Variants in APOA1 observed in about 807,000 individuals in gnomAD.
APOA1 encodes the protein apolipoprotein A-I.
Under a neutral mutation model 25.9 loss-of-function variants are expected in APOA1, and 22 were observed. The ratio of observed to expected loss-of-function variants is 0.85; its 90% CI spans 0.61 to 1.21. The LOEUF (loss-of-function observed/expected upper bound fraction) is 1.21, where lower values mean the gene tolerates loss of function less well. APOA1 is among the 50% of genes most tolerant of loss of function. The pLI, the probability that APOA1 is intolerant of heterozygous loss-of-function variation, is 0.00. For synonymous variants in APOA1, 163 were observed against 152.2 expected, an observed-to-expected ratio of 1.07 and a Z score of -0.52; for missense variants, 351 against 347.9, an observed-to-expected ratio of 1.01 and a Z score of -0.07.
chr11:116,835,913 G>T lies in APOA1; in HGVS notation c.699C>A (p.Pro233=), dbSNP rs536011950. ...GGCCTTGGCGGAGGTCCTCGAGCGCGGGCTTGGCCTTCTCGCTGAGCGTGC... is the reference window on the plus strand; with the variant it reads ...GGCCTTGGCGGAGGTCCTCGAGCGCTGGCTTGGCCTTCTCGCTGAGCGTGC... ...HLSTLSEKAK[P]ALEDLRQGLL... Residue 233 remains proline, a synonymous_variant, in exon 4 of 4, where the codon CCC becomes CCA. Transcript: ENST00000236850. 2 of 1,613,142 alleles carry T rather than the reference G, an allele frequency of 1.2e-6. No homozygotes were observed. Among genetic ancestry groups the T allele is most frequent in the Non-Finnish European group, 1.7e-6 (2 of 1,180,006 alleles).
chr11:116,836,880 A>G (rs1941563325), intron 3 of APOA1, 121 bp downstream of exon 3: 1 of 1,187,232 alleles, frequency 8.4e-7, no homozygotes, highest in Admixed American at 1.8e-5. Flanking sequence ...TTCTCCATCC[A>G]GACCATCTGT....
chr11:116,836,239 G>C lies in APOA1; in HGVS notation c.373C>G (p.Leu125Val), dbSNP rs1368725091. 2 of 1,614,072 alleles carry C rather than the reference G, an allele frequency of 1.2e-6. No homozygotes were observed. Among genetic ancestry groups the C allele is most frequent in the African/African-American group, 2.7e-5 (2 of 74,950 alleles). ...EEVKAKVQPY[L>V]DDFQKKWQEE... ...TGCCACTTCTTCTGGAAGTCGTCCA[G>C]GTAGGGCTGCACCTTGGCCTTCACC... Residue 125 changes from leucine (L) to valine (V), a missense_variant, in exon 4 of 4, where the codon CTG (leucine) becomes GTG (valine). Transcript: ENST00000236850.
intron 2 of APOA1, 32 bp downstream of exon 2, chr11:116,837,313 A>C (rs1245030245): frequency 6.3e-7 from 1 of 1,579,566 alleles, no homozygotes; most frequent in African/African-American, 1.3e-5. Flanking sequence ...AAGCCCCCCG[A>C]TGGTTGGCTC....
chr11:116,836,014 C>T lies in APOA1; in HGVS notation c.598G>A (p.Ala200Thr). ...TTCTCCTTGAGAGCCTCAAGGCGCG[C>T]GGCCAAGCGCTGGCGCAGCTCGTCG... ...YSDELRQRLA[A>T]RLEALKENGG... The change falls in exon 4 of 4, where the codon GCG becomes ACG. Residue 200 changes from alanine to threonine, a missense_variant. Transcript: ENST00000236850. 1 of 1,607,364 alleles carries T rather than the reference C, an allele frequency of 6.2e-7. No homozygotes were observed. Among genetic ancestry groups the T allele is most frequent in the Non-Finnish European group, 8.5e-7 (1 of 1,179,678 alleles).
intron 1 of APOA1, 53 bp from the exon 2 acceptor site, chr11:116,837,460 C>T (rs1205113932): frequency 6.6e-7 from 1 of 1,513,658 alleles, no homozygotes; most frequent in Non-Finnish European, 9.0e-7. Flanking sequence ...ATGCAGAAGC[C>T]CCGTGCTCCC....
In APOA1 at chr11:116,835,846, C is replaced by G; in HGVS notation, c.766G>C (p.Ala256Pro). Residue 256 changes from alanine to proline, a missense_variant, in exon 4 of 4, where the codon GCT (alanine) becomes CCT (proline). Transcript: ENST00000236850. ...LESFKVSFLSALEEYTKKLNT... is the reference protein window; with the variant it reads ...LESFKVSFLSPLEEYTKKLNT... ...AGCTTCTTAGTGTACTCCTCGAGAG[C>G]GCTCAGGAAGCTGACCTTGAAGCTC... 1 of 1,613,152 alleles carries G rather than the reference C, an allele frequency of 6.2e-7. No homozygotes were observed. The highest frequency in any genetic ancestry group is 8.5e-7 in the Non-Finnish European group (1 of 1,180,034).
chr11:116,835,987 C>T lies in APOA1; in HGVS notation c.625G>A (p.Gly209Ser), dbSNP rs1439470829. The change falls in exon 4 of 4, where the codon GGC (glycine) becomes AGC (serine). Residue 209 changes from glycine to serine, a missense_variant. Physicochemically the swap from Gly to Ser is moderately conservative, Grantham distance 56 (BLOSUM62 0). Transcript: ENST00000236850. ...TGGTACTCGGCCAGTCTGGCGCCGC[C>T]GTTCTCCTTGAGAGCCTCAAGGCGC... ...AARLEALKEN[G>S]GARLAEYHAK... 3.7e-6 allele frequency: 6 copies of T among 1,609,760 alleles called. No individual in the cohort carries two copies. The highest frequency in any genetic ancestry group is 2.2e-5 in the South Asian group (2 of 91,078).
chr11:116,836,240 G>C lies in APOA1; in HGVS notation c.372C>G (p.Tyr124Ter), dbSNP rs747252682. ...LEEVKAKVQP[Y>*]LDDFQKKWQE... Reference sequence around the variant, plus strand: ...GCCACTTCTTCTGGAAGTCGTCCAGGTAGGGCTGCACCTTGGCCTTCACCT... The same window carrying C: ...GCCACTTCTTCTGGAAGTCGTCCAGCTAGGGCTGCACCTTGGCCTTCACCT... Residue 124 changes from tyrosine to a stop codon, truncating the protein, a stop_gained, in exon 4 of 4, where the codon TAC becomes TAG. Coordinates refer to ENST00000236850, the MANE Select transcript of APOA1 (RefSeq NM_000039.3). LOFTEE classifies it high-confidence loss of function. 1 of 1,614,174 alleles carries C rather than the reference G, an allele frequency of 6.2e-7. No homozygotes were observed. Among genetic ancestry groups the C allele is most frequent in the Admixed American group, 1.7e-5 (1 of 60,034 alleles).
chr11:116,836,080 C>T lies in APOA1; in HGVS notation c.532G>A (p.Ala178Thr). The T allele has an allele frequency of 6.2e-7, 1 of 1,604,316 alleles. No homozygotes were observed. The highest frequency in any genetic ancestry group is 8.5e-7 in the Non-Finnish European group (1 of 1,177,418). ...LGEEMRDRAR[A>T]HVDALRTHLA... ...TGCGTGCGCAGCGCGTCCACATGGG[C>T]GCGCGCGCGGTCGCGCATCTCCTCG... The change falls in exon 4 of 4, where the codon GCC (alanine) becomes ACC (threonine). Residue 178 changes from alanine (A) to threonine (T), a missense_variant. Transcript: ENST00000236850.
chr11:116,837,515 A>C lies in APOA1; in HGVS notation c.-21+90T>G, dbSNP rs758109241. ...GAGGAGAAGGGCACAGAGCGGGAGA[A>C]GACCTCAGGTACCCAGAGGCCCGGC... On this transcript the variant is annotated intron_variant, in intron 1 of 3. Transcript: ENST00000236850. The C allele has an allele frequency of 2.9e-4, 348 of 1,212,006 alleles. 1 individual carries two copies. The Admixed American group carries it at 5.9e-3, about 20-fold the overall frequency. The allele number at this position is 1,212,006 out of a possible 1,614,324, so 75.1% of individuals were successfully genotyped here. A position where few individuals can be genotyped will look rare whatever the true frequency, so the allele number is the denominator to read the frequency against.
In APOA1 at chr11:116,836,132, C is replaced by G; in HGVS notation, c.480G>C (p.Glu160Asp). 2 of 1,612,940 alleles carry G rather than the reference C, an allele frequency of 1.2e-6. No homozygotes were observed. The highest frequency in any genetic ancestry group is 1.7e-6 in the Non-Finnish European group (2 of 1,179,982). The change falls in exon 4 of 4, where the codon GAG becomes GAC. Residue 160 changes from glutamate to aspartate, a missense_variant. Transcript: ENST00000236850. ...CCAGTGGGCTCAGCTTCTCTTGCAG[C>G]TCGTGCAGCTTCTGGCGCGCGCCCT... ...LQEGARQKLH[E>D]LQEKLSPLGE...
Position 116,837,163 on chromosome 11 carries a change from G to A in APOA1, c.44-6C>T, listed in dbSNP as rs746265240. ...GAAATGCCGAGCCTGGCTCCCTGAGGGTGGGAGGGGAGACCCAGATCAGGC... is the reference window on the plus strand; with the variant it reads ...GAAATGCCGAGCCTGGCTCCCTGAGAGTGGGAGGGGAGACCCAGATCAGGC... On this transcript the variant is annotated splice_region_variant and splice_polypyrimidine_tract_variant and intron_variant, in intron 2 of 3. Coordinates refer to ENST00000236850, the MANE Select transcript of APOA1 (RefSeq NM_000039.3). The A allele has an allele frequency of 1.3e-5, 21 of 1,610,840 alleles. No individual in the cohort carries two copies. In the Middle Eastern group the frequency reaches 6.6e-4, roughly 51 times the overall value.
rs775559386 is a variant in APOA1 at position 116,837,025 on chromosome 11, C to T, written c.176G>A (p.Gly59Asp). The change falls in exon 3 of 4, where the codon GGC becomes GAC. Residue 59 changes from glycine to aspartate, a missense_variant. Coordinates refer to ENST00000236850, the MANE Select transcript of APOA1 (RefSeq NM_000039.3). ...CTTTAGCTGTTTTCCCAAGGCGGAG[C>T]CTTCAAACTGGGACACATAGTCTCT... ...SGRDYVSQFE[G>D]SALGKQLNLK... 1.2e-6 allele frequency: 2 copies of T among 1,614,088 alleles called. No homozygotes were observed. Among genetic ancestry groups the T allele is most frequent in the African/African-American group, 2.7e-5 (2 of 74,948 alleles).
At chr11:116,837,272 C>T in intron 2 of APOA1, 73 bp downstream of exon 2, 2 of 1,595,072 alleles carry the variant, frequency 1.3e-6, no homozygotes, top group Non-Finnish European at 1.7e-6. Context: ...TGCCTCTGCC[C>T]AGGAGGGTGG....
intron 2 of APOA1, 29 bp from the exon 3 acceptor site, chr11:116,837,186 G>A: frequency 6.2e-7 from 1 of 1,609,194 alleles, no homozygotes; most frequent in Non-Finnish European, 8.5e-7. Context: ...ACCCAGATCA[G>A]GCCAGCTGTG....
In APOA1 at chr11:116,835,823, C is replaced by A; in HGVS notation, c.789G>T (p.Lys263Asn). The A allele has an allele frequency of 6.2e-7, 1 of 1,613,112 alleles. No individual in the cohort carries two copies. The change falls in exon 4 of 4, where the codon AAG (lysine) becomes AAT (asparagine). Residue 263 changes from lysine to asparagine, a missense_variant. Lys to Asn is a moderately conservative substitution (Grantham distance 94). Coordinates refer to ENST00000236850, the MANE Select transcript of APOA1 (RefSeq NM_000039.3). Reference protein sequence around the residue: ...FLSALEEYTKKLNTQ With the variant: ...FLSALEEYTKNLNTQ ...GGCGGGCGCCTCACTGGGTGTTGAGCTTCTTAGTGTACTCCTCGAGAGCGC... is the reference window on the plus strand; with the variant it reads ...GGCGGGCGCCTCACTGGGTGTTGAGATTCTTAGTGTACTCCTCGAGAGCGC...
chr11:116,837,365 A>C lies in APOA1; in HGVS notation c.23T>G (p.Leu8Trp). Residue 8 changes from leucine to tryptophan, a missense_variant, in exon 2 of 4, where the codon TTG (leucine) becomes TGG (tryptophan). By Grantham distance (61) the Leu-to-Trp change is moderately conservative (BLOSUM62 -2). Coordinates refer to ENST00000236850, the MANE Select transcript of APOA1 (RefSeq NM_000039.3). ...CCTACCCGTCAGGAAGAGCACGGCC[A>C]AGGTCAGCACCGCAGCTTTCATCCT... MKAAVLTLAVLFLTGSQA... is the reference protein window; with the variant it reads MKAAVLTWAVLFLTGSQA... The C allele has an allele frequency of 6.4e-7, 1 of 1,563,888 alleles. No individual in the cohort carries two copies. The highest frequency in any genetic ancestry group is 1.2e-5 in the South Asian group (1 of 85,308).
At position 116,836,016 on chromosome 11, in the gene APOA1, G is replaced by A; in HGVS notation, c.596C>T (p.Ala199Val). 1 of 1,606,976 alleles carries A rather than the reference G, an allele frequency of 6.2e-7. No homozygotes were observed. Among genetic ancestry groups the A allele is most frequent in the Non-Finnish European group, 8.5e-7 (1 of 1,179,628 alleles). ...PYSDELRQRL[A>V]ARLEALKENG... Reference sequence around the variant, plus strand: ...CTCCTTGAGAGCCTCAAGGCGCGCGGCCAAGCGCTGGCGCAGCTCGTCGCT... The same window carrying A: ...CTCCTTGAGAGCCTCAAGGCGCGCGACCAAGCGCTGGCGCAGCTCGTCGCT... Residue 199 changes from alanine (A) to valine (V), a missense_variant, in exon 4 of 4, where the codon GCC becomes GTC. Transcript: ENST00000236850.
chr11:116,837,110 G>C lies in APOA1; in HGVS notation c.91C>G (p.Pro31Ala), dbSNP rs764283540. 5.6e-6 allele frequency: 9 copies of C among 1,613,736 alleles called. No individual in the cohort carries two copies. Among genetic ancestry groups the C allele is most frequent in the Non-Finnish European group, 7.6e-6 (9 of 1,179,860 alleles). ...FWQQDEPPQS[P>A]WDRVKDLATV... ...GCCAGGTCCTTCACTCGATCCCAGG[G>C]GCTCTGGGGGGGTTCATCTTGCTGC... The change falls in exon 3 of 4, where the codon CCC (proline) becomes GCC (alanine). Residue 31 changes from proline to alanine, a missense_variant. Coordinates refer to ENST00000236850, the MANE Select transcript of APOA1 (RefSeq NM_000039.3).
Sources: gnomAD v4.1 joint callset for allele counts on GRCh38, gnomAD v4.1.1 for gene constraint, MANE v1.5 for transcripts, NCBI Gene and HGNC (gene_info 2026-07-23, HGNC 2026-07-21) for gene names.